The following ICA1 variants were observed in gnomAD, a reference collection of about 807,000 sequenced individuals.
The protein encoded by ICA1 is 69 kDa islet cell autoantigen.
In ICA1, 40 loss-of-function variants were observed where a neutral mutation model predicts 71.0. The ratio of observed to expected loss-of-function variants is 0.56; its 90% CI spans 0.44 to 0.73. The LOEUF (loss-of-function observed/expected upper bound fraction) is 0.73, where lower values mean the gene tolerates loss of function less well. ICA1 is among the 30% of genes least tolerant of loss of function. ICA1 has a pLI of 0.00. For synonymous variants in ICA1, 207 were observed against 209.5 expected, an observed-to-expected ratio of 0.99 and a Z score of 0.10; for missense variants, 578 against 576.5, an observed-to-expected ratio of 1.00 and a Z score of -0.03.
chr7:8,197,321 G>A (rs182572279), intron 6 of ICA1, among the ~76,000 whole-genome samples: 7 of 151,668 alleles, frequency 4.6e-5, no homozygotes, highest in East Asian at 1.9e-4. Flanking sequence ...TTGGGAGGCC[G>A]AAGCGGGCGG....
At chr7:8,193,177 C>G (rs1786288415) in intron 6 of ICA1, among the ~76,000 whole-genome samples, 1 of 152,190 alleles carries the variant, frequency 6.6e-6, no homozygotes, top group East Asian at 1.9e-4. Flanking sequence ...CAAGTACTCT[C>G]AGACACAACA....
chr7:8,254,104 A>G (rs573124331), intron 1 of ICA1, among the ~76,000 whole-genome samples: 2 of 152,258 alleles, frequency 1.3e-5, no homozygotes, highest in South Asian at 2.1e-4. Flanking sequence ...ATTTAGTCCA[A>G]CCTCCTCTTT....
chr7:8,169,471 T>G (rs1017923460), intron 6 of ICA1, among the ~76,000 whole-genome samples: 1 of 152,146 alleles, frequency 6.6e-6, no homozygotes, highest in Non-Finnish European at 1.5e-5. Context: ...TCATTTTGTA[T>G]TCCTACCAGC....
chr7:8,261,474 C>G (rs1268758420), intron 1 of ICA1, among the ~76,000 whole-genome samples: 1 of 152,186 alleles, frequency 6.6e-6, no homozygotes, highest in Non-Finnish European at 1.5e-5. Flanking sequence ...ACCGGGGTTG[C>G]TTAGGGGTTC....
intron 6 of ICA1, among the ~76,000 whole-genome samples, chr7:8,186,797 A>G (rs1249632048): frequency 1.3e-5 from 2 of 152,224 alleles, no homozygotes; most frequent in Non-Finnish European, 2.9e-5. Context: ...CAGGGCCTCA[A>G]CGTGCCACTG....
At chr7:8,137,135 G>T (rs1793707338) in intron 12 of ICA1, among the ~76,000 whole-genome samples, 1 of 151,862 alleles carries the variant, frequency 6.6e-6, no homozygotes, top group South Asian at 2.1e-4. Context: ...GATACACTGG[G>T]GGATGGAAGT....
Position 8,158,779 on chromosome 7 carries a change from A to G in ICA1, c.580-127T>C. 3 of 900,116 alleles carry G rather than the reference A, an allele frequency of 3.3e-6. No homozygotes were observed. The South Asian group carries it at 5.2e-5, about 16-fold the overall frequency. The allele number at this position is 900,116 out of a possible 1,614,324, so 55.8% of individuals were successfully genotyped here. A position where few individuals can be genotyped will look rare whatever the true frequency, so the allele number is the denominator to read the frequency against. ...GAAAAGACTTTTGAAAATTCCAGAC[A>G]AATGGGAAGATGTTACAACATCCAT... On this transcript the variant is annotated intron_variant, in intron 6 of 13. Transcript: ENST00000402384.
chr7:8,224,867 CT>C (rs762372153), intron 4 of ICA1, among the ~76,000 whole-genome samples: 7 of 152,110 alleles, frequency 4.6e-5, no homozygotes, highest in Non-Finnish European at 8.8e-5. Context: ...TTTGGTTTGT[CT>C]GATTTCTCAG....
chr7:8,252,818 A>G (rs1016726316), intron 1 of ICA1, among the ~76,000 whole-genome samples: 3 of 151,826 alleles, frequency 2.0e-5, no homozygotes, highest in African/African-American at 7.3e-5. Context: ...TTGAAACAAT[A>G]TTTTGAATAT....
intron 8 of ICA1, among the ~76,000 whole-genome samples, chr7:8,153,887 G>T (rs2128179223): frequency 1.4e-5 from 2 of 145,334 alleles, no homozygotes; most frequent in Middle Eastern, 3.7e-3. Flanking sequence ...ATTGATAAAT[G>T]TTTGTTGTGT....
chr7:8,155,160 T>A (rs1465741511), intron 8 of ICA1, among the ~76,000 whole-genome samples: 1 of 152,224 alleles, frequency 6.6e-6, no homozygotes, highest in Non-Finnish European at 1.5e-5. Context: ...AATATTACCA[T>A]AACATCATTA....
chr7:8,227,210 G>C (rs114822599), intron 4 of ICA1, among the ~76,000 whole-genome samples: 344 of 152,284 alleles, frequency 2.3e-3, no homozygotes, highest in African/African-American at 7.7e-3. Context: ...GGAAGAATCT[G>C]ATCGGGTTTA....
intron 6 of ICA1, among the ~76,000 whole-genome samples, chr7:8,203,469 T>C (rs1790443943): frequency 6.6e-6 from 1 of 152,212 alleles, no homozygotes; most frequent in Non-Finnish European, 1.5e-5. Context: ...TATTTCACGA[T>C]GGTGCTCTGA....
rs559462775 is a variant in ICA1, at chr7:8,208,282, C to G, written c.579+10023G>C. On this transcript the variant is annotated intron_variant, in intron 6 of 13. Coordinates refer to ENST00000402384, the MANE Select transcript of ICA1 (RefSeq NM_001136020.3). The stretch of plus-strand genomic sequence containing the variant: ...GATTTGAAGAAAATTCTTTTTGATT[C>G]TAACAAAAGCAACTTACAGTACTAT... 2.6e-5 allele frequency among the ~76,000 whole-genome samples: 4 copies of G among 152,266 alleles called. No individual in the cohort carries two copies. In the East Asian group the frequency reaches 7.7e-4, roughly 29 times the overall value.
At chr7:8,217,421 G>A (rs1370143803) in intron 6 of ICA1, among the ~76,000 whole-genome samples, 1 of 152,136 alleles carries the variant, frequency 6.6e-6, no homozygotes, top group Non-Finnish European at 1.5e-5. Flanking sequence ...GGTTCTATTT[G>A]TAGCTCTGCA....
At chr7:8,147,200 G>A (rs755574014) in intron 8 of ICA1, among the ~76,000 whole-genome samples, 2 of 151,966 alleles carry the variant, frequency 1.3e-5, no homozygotes, top group Non-Finnish European at 2.9e-5. Context: ...CATCCTTTCT[G>A]TCTCCAGCCT....
intron 6 of ICA1, among the ~76,000 whole-genome samples, chr7:8,192,872 C>T (rs140011294): frequency 1.8e-4 from 27 of 152,256 alleles, no homozygotes; most frequent in African/African-American, 6.3e-4. Context: ...CGAATGGGAG[C>T]CTCTTTGGGC....
chr7:8,225,049 A>AAT (rs201642736), intron 4 of ICA1, among the ~76,000 whole-genome samples: 1,528 of 152,282 alleles, frequency 0.01, 18 homozygotes, highest in African/African-American at 0.035. Flanking sequence ...CAAAGTTAAG[A>AAT]ATGTTTTTTT....
At position 8,138,973 on chromosome 7, in the gene ICA1, A is replaced by C. The variant is rs766815959; in HGVS notation, c.1018+12T>G. 3.7e-6 allele frequency: 6 copies of C among 1,609,408 alleles called. No homozygotes were observed. Among genetic ancestry groups the C allele is most frequent in the East Asian group, 2.2e-5 (1 of 44,842 alleles). Reference sequence around the variant, plus strand: ...TAATTAAAATTGAGTAGTTTTCCTTAATCTAGGTTACCTGAGCATGCAGTA... The same window carrying C: ...TAATTAAAATTGAGTAGTTTTCCTTCATCTAGGTTACCTGAGCATGCAGTA... On this transcript the variant is annotated intron_variant, in intron 11 of 13. Coordinates refer to ENST00000402384, the MANE Select transcript of ICA1 (RefSeq NM_001136020.3).
Sources: gnomAD v4.1 joint callset for allele counts (sites outside exome capture counted in the v4.1 genomes callset) on GRCh38, gnomAD v4.1.1 for gene constraint, MANE v1.5 for transcripts, NCBI Gene and HGNC (gene_info 2026-07-23, HGNC 2026-07-21) for gene names.